The following MALSU1 variants were observed in gnomAD, a reference collection of about 807,000 sequenced individuals.
The protein encoded by MALSU1 is mitochondrial assembly of ribosomal large subunit protein 1.
A neutral mutation model predicts 22.1 loss-of-function variants in MALSU1; 22 were observed. That is an observed-to-expected ratio of 1.00 (90% CI 0.71 to 1.42). The LOEUF (loss-of-function observed/expected upper bound fraction) is 1.42, where lower values mean the gene tolerates loss of function less well. MALSU1 is among the 40% of genes most tolerant of loss of function. MALSU1 has a pLI of 0.00. For missense variants in MALSU1, 379 were observed against 308.3 expected, an observed-to-expected ratio of 1.23 and a Z score of -1.72; for synonymous variants, 153 against 118.5, an observed-to-expected ratio of 1.29 and a Z score of -1.89.
chr7:23,309,524 T>C lies in MALSU1; in HGVS notation c.686T>C (p.Val229Ala), dbSNP rs1370724072. 6.2e-7 allele frequency: 1 copy of C among 1,602,750 alleles called. No individual in the cohort carries two copies. The highest frequency in any genetic ancestry group is 1.1e-5 in the South Asian group (1 of 88,876). The change falls in exon 4 of 4, where the codon GTG (valine) becomes GCG (alanine). Residue 229 changes from valine to alanine, a missense_variant. Coordinates refer to ENST00000466681, the MANE Select transcript of MALSU1 (RefSeq NM_138446.2). ...GATGATACTTCATCTGTGACTCCAG[T>C]GGAGTTAAAATGTGAATAAAATATT... ...IEDDTSSVTPVELKCE is the reference protein window; with the variant it reads ...IEDDTSSVTPAELKCE
intron 2 of MALSU1, among the ~76,000 whole-genome samples, chr7:23,305,757 C>T (rs1783714563): frequency 6.6e-6 from 1 of 152,190 alleles, no homozygotes; most frequent in African/African-American, 2.4e-5. Flanking sequence ...AATCTGTAGA[C>T]TGCATTGGGT....
intron 2 of MALSU1, among the ~76,000 whole-genome samples, chr7:23,304,444 T>C (rs1054322723): frequency 2.0e-5 from 3 of 152,244 alleles, no homozygotes; most frequent in African/African-American, 7.2e-5. Flanking sequence ...ATGTTGAGCA[T>C]ATTTTCTTTT....
At chr7:23,300,745 C>T (rs763012721) in intron 1 of MALSU1, 94 bp from the exon 2 acceptor site, 1 of 1,093,870 alleles carries the variant, frequency 9.1e-7, no homozygotes, top group Non-Finnish European at 1.4e-6. Context: ...TCTAAACACC[C>T]TCATGGAGGA....
In MALSU1 at chr7:23,310,865, CAAAA is replaced by C. The variant is rs911332233; in HGVS notation, c.*1325_*1328del. ...CTGTGATCATCTTACAAACAAAACTCAAAAAATCAATTCAGAGAGCAGCGTGGCC... is the reference window on the plus strand; with the variant it reads ...CTGTGATCATCTTACAAACAAAACTCAATCAATTCAGAGAGCAGCGTGGCC... On this transcript the variant is annotated 3_prime_UTR_variant, in exon 4 of 4. Transcript: ENST00000466681. 21 of 151,884 alleles carry C rather than the reference CAAAA, an allele frequency of 1.4e-4. No homozygotes were observed. The highest frequency in any genetic ancestry group is 4.4e-4 in the African/African-American group (18 of 41,324). The allele number at this position is 151,884 out of a possible 1,614,324, so 9.4% of individuals were successfully genotyped here.
rs552387540 is a variant in MALSU1, at chr7:23,306,579, A to G, written c.436-1289A>G. 3.3e-5 allele frequency among the ~76,000 whole-genome samples: 5 copies of G among 152,290 alleles called. No homozygotes were observed. The East Asian group carries it at 9.7e-4, about 29-fold the overall frequency. On this transcript the variant is annotated intron_variant, in intron 2 of 3. Coordinates refer to ENST00000466681, the MANE Select transcript of MALSU1 (RefSeq NM_138446.2). ...TATATTAGCTGTGTGCTTTTCTCAC[A>G]TGGCCCTTATTATGTTGAGGTAATT...
intron 2 of MALSU1, among the ~76,000 whole-genome samples, chr7:23,303,876 C>A (rs1271458831): frequency 2.0e-5 from 3 of 150,376 alleles, no homozygotes; most frequent in African/African-American, 4.9e-5. Context: ...GAGGCCAAGG[C>A]GGGTAGTTCA....
chr7:23,308,252 A>G (rs1264988230), intron 3 of MALSU1, among the ~76,000 whole-genome samples: 3 of 152,220 alleles, frequency 2.0e-5, no homozygotes, highest in Non-Finnish European at 4.4e-5. Context: ...AGGATAACAT[A>G]GTAGAGGCGG....
At chr7:23,299,681 T>C (rs762598377) in intron 1 of MALSU1, 73 bp downstream of exon 1, 45 of 1,474,006 alleles carry the variant, frequency 3.1e-5, no homozygotes, top group African/African-American at 4.2e-5. Context: ...AAGGTGGCTC[T>C]GGGTTCCCCT....
rs762661277 is a variant in MALSU1 at position 23,301,030 on chromosome 7, C to T, written c.435+13C>T. On this transcript the variant is annotated intron_variant, in intron 2 of 3. Transcript: ENST00000466681. Reference sequence around the variant, plus strand: ...CGTTGTGAAAATGGTAGGATGCTTTCTTTTCTCTTTTGGACCATTAACTGA... The same window carrying T: ...CGTTGTGAAAATGGTAGGATGCTTTTTTTTCTCTTTTGGACCATTAACTGA... The T allele has an allele frequency of 6.2e-7, 1 of 1,606,226 alleles. No individual in the cohort carries two copies. The highest frequency in any genetic ancestry group is 1.1e-5 in the South Asian group (1 of 89,880).
chr7:23,307,808 C>T, intron 2 of MALSU1, 60 bp from the exon 3 acceptor site: 1 of 1,035,784 alleles, frequency 9.7e-7, no homozygotes, highest in East Asian at 2.5e-5. Context: ...AAAAGACCTT[C>T]AGCAAGAACA....
chr7:23,301,756 G>A (rs1017980071), intron 2 of MALSU1, among the ~76,000 whole-genome samples: 2 of 152,114 alleles, frequency 1.3e-5, no homozygotes, highest in Non-Finnish European at 2.9e-5. Context: ...GGATCACAAG[G>A]TCAAAAGATC....
intron 3 of MALSU1, 118 bp from the exon 4 acceptor site, chr7:23,309,238 T>G (rs965774854): frequency 1.3e-5 from 12 of 915,382 alleles, no homozygotes; most frequent in Admixed American, 2.6e-5. Context: ...GATGCTAATC[T>G]GGGAACCACA....
Position 23,309,473 on chromosome 7 carries a change from C to T in MALSU1, c.635C>T (p.Pro212Leu). 3 of 1,613,350 alleles carry T rather than the reference C, an allele frequency of 1.9e-6. No homozygotes were observed. Among genetic ancestry groups the T allele is most frequent in the Non-Finnish European group, 2.5e-6 (3 of 1,179,656 alleles). The change falls in exon 4 of 4, where the codon CCT becomes CTT. Residue 212 changes from proline (P) to leucine (L), a missense_variant. Physicochemically the swap from Pro to Leu is moderately conservative, Grantham distance 98. Transcript: ENST00000466681. ...GCTCAGATAGCACCTGAGACAGTACCTGAAGACTTCATTCTTGGAATAGAA... is the reference window on the plus strand; with the variant it reads ...GCTCAGATAGCACCTGAGACAGTACTTGAAGACTTCATTCTTGGAATAGAA... ...QLAQIAPETV[P>L]EDFILGIEDD...
chr7:23,299,403 C>T lies in MALSU1; in HGVS notation c.51C>T (p.Arg17=). 2 of 1,599,486 alleles carry T rather than the reference C, an allele frequency of 1.3e-6. No homozygotes were observed. The highest frequency in any genetic ancestry group is 1.1e-5 in the South Asian group (1 of 90,534). Residue 17 remains arginine (R), a synonymous_variant, in exon 1 of 4, where the codon CGC becomes CGT. Coordinates refer to ENST00000466681, the MANE Select transcript of MALSU1 (RefSeq NM_138446.2). ...VARLLAPLMW[R]RAVSSVAGSA... ...GGCTGCTCGCCCCACTAATGTGGCG[C>T]AGGGCGGTTTCCTCGGTGGCGGGGT...
chr7:23,299,625 G>C lies in MALSU1; in HGVS notation c.256+17G>C. 1 of 1,554,288 alleles carries C rather than the reference G, an allele frequency of 6.4e-7. No individual in the cohort carries two copies. Among genetic ancestry groups the C allele is most frequent in the Non-Finnish European group, 8.7e-7 (1 of 1,148,388 alleles). On this transcript the variant is annotated intron_variant, in intron 1 of 3. Coordinates refer to ENST00000466681, the MANE Select transcript of MALSU1 (RefSeq NM_138446.2). Reference sequence around the variant, plus strand: ...ACGCGGCAGGTACGGGCGTGGAGAAGAACGAAGGCGACCCTCTCCGGGCAG... The same window carrying C: ...ACGCGGCAGGTACGGGCGTGGAGAACAACGAAGGCGACCCTCTCCGGGCAG...
At chr7:23,308,562 T>TA (rs1414490312) in intron 3 of MALSU1, among the ~76,000 whole-genome samples, 1 of 152,098 alleles carries the variant, frequency 6.6e-6, no homozygotes. Context: ...ACAAGACTAT[T>TA]AGAGGGTTAG....
chr7:23,299,788 A>G (rs751161407), intron 1 of MALSU1, among the ~76,000 whole-genome samples, 180 bp downstream of exon 1: 13 of 152,138 alleles, frequency 8.5e-5, no homozygotes, highest in Non-Finnish European at 1.6e-4. Context: ...TTTCACAGTG[A>G]AGAAATTGAG....
intron 2 of MALSU1, among the ~76,000 whole-genome samples, chr7:23,303,339 T>C (rs1337625944): frequency 2.0e-5 from 3 of 152,244 alleles, no homozygotes; most frequent in Admixed American, 6.5e-5. Context: ...GGTTCATCCA[T>C]GTAGTAGCAT....
rs1583864510 is a variant in MALSU1 at position 23,310,404 on chromosome 7, A to G, written c.*861A>G. 1 of 152,244 alleles carries G rather than the reference A, an allele frequency of 6.6e-6. No individual in the cohort carries two copies. The highest frequency in any genetic ancestry group is 1.9e-4 in the East Asian group (1 of 5,204). 9.4% of individuals were successfully genotyped at this position (152,244 alleles called of 1,614,324 possible). A position where few individuals can be genotyped will look rare whatever the true frequency, so the allele number is the denominator to read the frequency against. ...AAAGTAAAATATGATTTGCCATACT[A>G]AAAGGCTAGAAGTGAAATATGACAG... On this transcript the variant is annotated 3_prime_UTR_variant, in exon 4 of 4. Transcript: ENST00000466681.
Sources: gnomAD v4.1 joint callset for allele counts (sites outside exome capture counted in the v4.1 genomes callset) on GRCh38, gnomAD v4.1.1 for gene constraint, MANE v1.5 for transcripts, NCBI Gene and HGNC (gene_info 2026-07-23, HGNC 2026-07-21) for gene names.